The following EVI5 variants were observed in gnomAD, a reference collection of about 807,000 sequenced individuals.
EVI5 encodes the protein ecotropic viral integration site 5 protein homolog.
A neutral mutation model predicts 112.0 loss-of-function variants in EVI5; 73 were observed. The observed-to-expected ratio is 0.65, with a 90% CI of 0.54 to 0.79. EVI5 has a LOEUF of 0.79. EVI5 is among the 30% of genes least tolerant of loss of function. The pLI, the probability that EVI5 is intolerant of heterozygous loss-of-function variation, is 0.00. For missense variants in EVI5, 900 were observed against 968.8 expected, an observed-to-expected ratio of 0.93 and a Z score of 0.94; for synonymous variants, 305 against 319.9, an observed-to-expected ratio of 0.95 and a Z score of 0.50.
intron 19 of EVI5, among the ~76,000 whole-genome samples, chr1:92,518,613 G>C: frequency 6.7e-6 from 1 of 149,764 alleles, no homozygotes; most frequent in Middle Eastern, 3.4e-3. Context: ...TAGTATCTCC[G>C]AGAAGCCGGG....
In EVI5 at chr1:92,535,579, T is replaced by TA. The variant is rs1663739933; in HGVS notation, c.2167-21610dup. On this transcript the variant is annotated intron_variant, in intron 19 of 19. Transcript: ENST00000684568. ...TACACCATGGAATACCTTGCAGCCATAAAAAAAAATGAGTTCATGTCCTTT... is the reference window on the plus strand; with the variant it reads ...TACACCATGGAATACCTTGCAGCCATAAAAAAAAAATGAGTTCATGTCCTTT... Among the ~76,000 whole-genome samples, 6 of 152,088 alleles carry TA rather than the reference T, an allele frequency of 3.9e-5. No homozygotes were observed. The South Asian group carries it at 1.2e-3, about 32-fold the overall frequency.
intron 19 of EVI5, among the ~76,000 whole-genome samples, chr1:92,553,690 TCA>T (rs1313404176): frequency 6.6e-6 from 1 of 152,162 alleles, no homozygotes; most frequent in Non-Finnish European, 1.5e-5. Flanking sequence ...AACCTCGGTC[TCA>T]CATAGTGGTG....
intron 1 of EVI5, among the ~76,000 whole-genome samples, chr1:92,740,173 T>C (rs945539864): frequency 6.6e-6 from 1 of 152,212 alleles, no homozygotes; most frequent in Admixed American, 6.5e-5. Context: ...AAAATATAGT[T>C]ACCATTAGTG....
At chr1:92,658,106 T>A (rs1389726768) in intron 13 of EVI5, among the ~76,000 whole-genome samples, 2 of 152,126 alleles carry the variant, frequency 1.3e-5, no homozygotes, top group Admixed American at 1.3e-4. Context: ...ATAAAAACCA[T>A]ATACAACAAA....
intron 19 of EVI5, among the ~76,000 whole-genome samples, chr1:92,550,160 T>C (rs557798332): frequency 6.6e-6 from 1 of 152,226 alleles, no homozygotes; most frequent in South Asian, 2.1e-4. Flanking sequence ...TGGAATATTA[T>C]GCAGCCATAA....
intron 18 of EVI5, among the ~76,000 whole-genome samples, chr1:92,604,920 T>C (rs1281752948): frequency 5.3e-5 from 8 of 152,210 alleles, no homozygotes; most frequent in African/African-American, 1.9e-4. Context: ...TATTGTATGA[T>C]CCCACTTATA....
At chr1:92,592,071 G>A (rs1489307155) in intron 18 of EVI5, among the ~76,000 whole-genome samples, 4 of 151,948 alleles carry the variant, frequency 2.6e-5, no homozygotes, top group Admixed American at 6.6e-5. Flanking sequence ...GTGAAACCCC[G>A]TCTCTACTAA....
intron 2 of EVI5, among the ~76,000 whole-genome samples, chr1:92,714,968 C>T (rs12749480): frequency 0.2 from 30,329 of 152,044 alleles, 3,524 homozygotes; most frequent in Non-Finnish European, 0.26. Context: ...TCATTCTCTA[C>T]ATATAAATCC....
chr1:92,685,225 T>C (rs147009603), intron 9 of EVI5, among the ~76,000 whole-genome samples: 13 of 152,202 alleles, frequency 8.5e-5, no homozygotes, highest in East Asian at 7.7e-4. Flanking sequence ...ACAGTGCAAT[T>C]AAATTAGAAC....
rs180871123 is a variant in EVI5, at chr1:92,781,093, G to A, written c.-82+3743C>T. Among the ~76,000 whole-genome samples the A allele has an allele frequency of 8.0e-4, 122 of 151,836 alleles. No individual in the cohort carries two copies. In the East Asian group the frequency reaches 0.014, roughly 18 times the overall value. Reference sequence around the variant, plus strand: ...TCTCAAACTCCTGACCTCATGATCCGCTCGCCTCGGCCTCCCAAAGTGCTG... The same window carrying A: ...TCTCAAACTCCTGACCTCATGATCCACTCGCCTCGGCCTCCCAAAGTGCTG... On this transcript the variant is annotated intron_variant, in intron 1 of 19. Coordinates refer to ENST00000684568, the MANE Select transcript of EVI5 (RefSeq NM_001350197.2).
chr1:92,781,956 A>T (rs1317829915), intron 1 of EVI5, among the ~76,000 whole-genome samples: 89 of 2,744 alleles, frequency 0.032, no homozygotes, highest in Middle Eastern at 0.25. Context: ...TTCTGTCTCA[A>T]AAAAAAAAAA....
In EVI5 at chr1:92,515,111, C is replaced by CT. The variant is rs367833469; in HGVS notation, c.2167-1142dup. ...GAGGAATGGTATGCCTCACTCATCT[C>CT]TTTTCCCTTTCTTCCCATCTTTTAG... On this transcript the variant is annotated intron_variant, in intron 19 of 19. Transcript: ENST00000684568. Among the ~76,000 whole-genome samples the CT allele has an allele frequency of 2.7e-3, 411 of 152,348 alleles. 1 individual carries two copies. The highest frequency in any genetic ancestry group is 9.6e-3 in the African/African-American group (400 of 41,572).
chr1:92,609,421 G>A (rs928942775), intron 16 of EVI5, among the ~76,000 whole-genome samples: 5 of 152,172 alleles, frequency 3.3e-5, no homozygotes, highest in Non-Finnish European at 4.4e-5. Flanking sequence ...GCAGTGGCAC[G>A]ACCTTGGCTC....
At chr1:92,707,038 G>A (rs192068646) in intron 2 of EVI5, among the ~76,000 whole-genome samples, 1 of 152,046 alleles carries the variant, frequency 6.6e-6, no homozygotes, top group East Asian at 1.9e-4. Flanking sequence ...AATTAGCCGG[G>A]CATGGTGGCA....
At chr1:92,756,360 A>C (rs1387202134) in intron 1 of EVI5, 1 of 516,568 alleles carries the variant, frequency 1.9e-6, no homozygotes, top group Non-Finnish European at 3.9e-6. Context: ...AAATATGCAG[A>C]TTTCCTGGAA....
chr1:92,634,418 T>C (rs959588728), intron 14 of EVI5, among the ~76,000 whole-genome samples: 1 of 152,214 alleles, frequency 6.6e-6, no homozygotes, highest in Non-Finnish European at 1.5e-5. Context: ...TCTCGCTTCA[T>C]TTCATTCATT....
At chr1:92,784,400 G>C in intron 1 of EVI5, 4 of 985,330 alleles carry the variant, frequency 4.1e-6, no homozygotes, top group Non-Finnish European at 4.8e-6. Context: ...GCAGAATCCC[G>C]GAGGCCAAGT....
intron 6 of EVI5, 54 bp from the exon 7 acceptor site, chr1:92,695,507 T>A: frequency 1.7e-6 from 2 of 1,196,596 alleles, no homozygotes; most frequent in East Asian, 2.5e-5. Flanking sequence ...TATTTTAAAT[T>A]AGATTATATT....
chr1:92,595,542 G>T (rs541090837), intron 18 of EVI5, among the ~76,000 whole-genome samples: 2 of 152,196 alleles, frequency 1.3e-5, no homozygotes, highest in South Asian at 4.2e-4. Context: ...TTGTGCACAC[G>T]TACCCTAAAA....
Sources: gnomAD v4.1 joint callset for allele counts (sites outside exome capture counted in the v4.1 genomes callset) on GRCh38, gnomAD v4.1.1 for gene constraint, MANE v1.5 for transcripts, NCBI Gene and HGNC (gene_info 2026-07-23, HGNC 2026-07-21) for gene names.